The following RTP2 variants were observed in gnomAD, a reference collection of about 807,000 sequenced individuals.
RTP2 encodes the protein receptor transporter protein 2, also known as receptor-transporting protein 2.
In RTP2, 12 loss-of-function variants were observed where a neutral mutation model predicts 17.9. That is an observed-to-expected ratio of 0.67 (90% CI 0.43 to 1.09). The LOEUF (loss-of-function observed/expected upper bound fraction) is 1.09. RTP2 is among the 50% of genes least tolerant of loss of function. The pLI, the probability that RTP2 is intolerant of heterozygous loss-of-function variation, is 0.00. For synonymous variants in RTP2, 126 were observed against 117.7 expected, an observed-to-expected ratio of 1.07 and a Z score of -0.46; for missense variants, 327 against 295.7, an observed-to-expected ratio of 1.11 and a Z score of -0.78.
chr3:187,706,397 T>C (rs1272866267), upstream of RTP2, among the ~76,000 whole-genome samples: 3 of 152,154 alleles, frequency 2.0e-5, no homozygotes, highest in Non-Finnish European at 4.4e-5. Flanking sequence ...AAGGTAAATA[T>C]AAGTAAAGCT....
chr3:187,706,281 C>G (rs1035457622), upstream of RTP2, among the ~76,000 whole-genome samples: 1 of 152,088 alleles, frequency 6.6e-6, no homozygotes, highest in Non-Finnish European at 1.5e-5. Flanking sequence ...AGATGTAAAA[C>G]AAAGCATATG....
the RTP2 span, among the ~76,000 whole-genome samples, chr3:187,715,321 G>A: frequency 1.1e-4 from 16 of 152,124 alleles, no homozygotes; most frequent in Non-Finnish European, 1.6e-4. Flanking sequence ...CCCAAAGCCC[G>A]TTCCATCTTT....
intron 1 of RTP2, among the ~76,000 whole-genome samples, chr3:187,699,343 T>C (rs563163304): frequency 2.6e-5 from 4 of 152,172 alleles, no homozygotes; most frequent in South Asian, 2.1e-4. Context: ...CATCCCCCCC[T>C]CTCTGGGCTT....
At chr3:187,706,216 C>T (rs1268925375), upstream of RTP2, among the ~76,000 whole-genome samples, 7 of 152,066 alleles carry the variant, frequency 4.6e-5, no homozygotes, top group Non-Finnish European at 7.4e-5. Context: ...GCATATGAGA[C>T]GCAGATCTTA....
intron 1 of RTP2, among the ~76,000 whole-genome samples, chr3:187,700,270 G>A (rs1322701548): frequency 6.6e-6 from 1 of 152,220 alleles, no homozygotes; most frequent in Non-Finnish European, 1.5e-5. Flanking sequence ...GCCCAAGGTG[G>A]GGTTGGCAGG....
At position 187,698,535 on chromosome 3, in the gene RTP2, TAAAC is replaced by T. The variant is rs1029720847; in HGVS notation, c.637_640del (p.Val213ThrfsTer17). On this transcript the variant is annotated frameshift_variant, in exon 2 of 2. Coordinates refer to ENST00000358241, the Ensembl canonical transcript of RTP2. LOFTEE classifies it high-confidence loss of function. Reference sequence around the variant, plus strand: ...AGGACTGAGGAAGGAGAACTGCAGGTAAACAACGAGCAGGCAGAGAGAGGCCCAG... The same window carrying T: ...AGGACTGAGGAAGGAGAACTGCAGGTAACGAGCAGGCAGAGAGAGGCCCAG... The T allele has an allele frequency of 1.9e-6, 3 of 1,613,126 alleles. No homozygotes were observed. The highest frequency in any genetic ancestry group is 2.7e-5 in the African/African-American group (2 of 74,894).
At chr3:187,698,725 G>C (rs763417071) in exon 2 of RTP2, 1 of 1,614,060 alleles carries the variant, frequency 6.2e-7, no homozygotes, top group South Asian at 1.1e-5. Flanking sequence ...AACTCTGCAC[G>C]ATGCGGCCCG....
At chr3:187,704,223 A>G (rs1390787704), upstream of RTP2, among the ~76,000 whole-genome samples, 1 of 152,240 alleles carries the variant, frequency 6.6e-6, no homozygotes. Context: ...GAGGGGATGG[A>G]TAAAAGAATC....
the RTP2 span, among the ~76,000 whole-genome samples, chr3:187,711,429 C>A: frequency 6.6e-6 from 1 of 152,112 alleles, no homozygotes; most frequent in East Asian, 1.9e-4. Flanking sequence ...CTTGTTTGAC[C>A]CATGAGTTGT....
intron 1 of RTP2, among the ~76,000 whole-genome samples, chr3:187,699,450 C>G (rs1291753896): frequency 6.6e-6 from 1 of 152,168 alleles, no homozygotes; most frequent in Non-Finnish European, 1.5e-5. Flanking sequence ...CATACACCAT[C>G]TAACTCATGC....
At chr3:187,700,950 G>A (rs1311030190) in intron 1 of RTP2, among the ~76,000 whole-genome samples, 4 of 152,150 alleles carry the variant, frequency 2.6e-5, no homozygotes, top group African/African-American at 9.7e-5. Flanking sequence ...GAGTACAAAC[G>A]TAAGCTCCCT....
chr3:187,704,199 A>C (rs1717932753), upstream of RTP2, among the ~76,000 whole-genome samples: 1 of 152,208 alleles, frequency 6.6e-6, no homozygotes. Flanking sequence ...TTCTGCAAAC[A>C]AATCAGCAAG....
chr3:187,710,400 T>C, the RTP2 span, among the ~76,000 whole-genome samples: 14 of 142,076 alleles, frequency 9.9e-5, no homozygotes, highest in African/African-American at 2.6e-4. Flanking sequence ...TATATATATA[T>C]CATATATTAT....
At chr3:187,702,216 A>T (rs1038702214) in exon 1 of RTP2, 7 of 1,329,812 alleles carry the variant, frequency 5.3e-6, no homozygotes, top group Non-Finnish European at 7.3e-6. Flanking sequence ...TTCAGTGTCT[A>T]CGGTCAGAAT....
exon 2 of RTP2, chr3:187,698,525 G>A: frequency 1.2e-6 from 2 of 1,612,650 alleles, no homozygotes; most frequent in Non-Finnish European, 1.7e-6. Flanking sequence ...TGAGGAAGGA[G>A]AACTGCAGGT....
At chr3:187,714,596 C>G in the RTP2 span, among the ~76,000 whole-genome samples, 471 of 152,342 alleles carry the variant, frequency 3.1e-3, 1 homozygote, top group Non-Finnish European at 5.2e-3. Flanking sequence ...CACCTTGTGG[C>G]TATTTGCTAG....
In RTP2 at chr3:187,698,984, G is replaced by C. The variant is rs200860961; in HGVS notation, c.192C>G (p.Thr64=). ...GGATGACCACATGGGCAGACTGCCA[G>C]GTGTGCCAGCACCAGGAGCAGTGGA... is the stretch of plus-strand genomic sequence containing the variant. The change falls in exon 2 of 2, where the codon ACC becomes ACG. Residue 64 remains threonine, a synonymous_variant. Transcript: ENST00000358241. The C allele has an allele frequency of 7.0e-5, 111 of 1,593,022 alleles. 1 individual carries two copies. The East Asian group carries it at 1.4e-3, about 20-fold the overall frequency.
rs144282332 is a variant in RTP2 at position 187,698,585 on chromosome 3, C to A, written c.591G>T (p.Leu197Phe). 94 of 1,614,264 alleles carry A rather than the reference C, an allele frequency of 5.8e-5. No homozygotes were observed. The African/African-American group carries it at 1.1e-3, about 19-fold the overall frequency. The change falls in exon 2 of 2, where the codon TTG becomes TTT. Residue 197 changes from leucine (L) to phenylalanine (F), a missense_variant. Leu to Phe is a conservative substitution (Grantham distance 22). Coordinates refer to ENST00000358241, the Ensembl canonical transcript of RTP2. ...CCCAGAAGAGGCACCAGCGAAGAGA[C>A]AAGAAGTTGTAGCCGGATCCCGCCT...
the RTP2 span, among the ~76,000 whole-genome samples, chr3:187,712,284 C>A: frequency 6.6e-6 from 1 of 152,136 alleles, no homozygotes; most frequent in East Asian, 1.9e-4. Flanking sequence ...CACAGGACCT[C>A]TCTGCACTAT....
Sources: allele counts gnomAD v4.1 joint callset (sites outside exome capture counted in the v4.1 genomes callset), GRCh38; gene constraint gnomAD v4.1.1; transcripts MANE v1.5; gene names NCBI Gene and HGNC (gene_info 2026-07-23, HGNC 2026-07-21).